Variants in RBM17 observed in about 807,000 individuals in gnomAD.
The protein encoded by RBM17 is splicing factor 45.
RBM17 carries 7 observed loss-of-function variants against 53.2 expected under a neutral mutation model. The observed-to-expected ratio is 0.13, with a 90% CI of 0.07 to 0.25. The LOEUF is 0.25. Ranked by LOEUF, RBM17 falls within the 10% of genes least tolerant of loss-of-function variation. The pLI, the probability that RBM17 is intolerant of heterozygous loss-of-function variation, is 1.00. For missense variants in RBM17, 257 were observed against 496.7 expected (o/e 0.52, Z 4.59); for synonymous variants, 167 against 178.1 (o/e 0.94, Z 0.50).
rs149653637 is a variant in RBM17 at position 6,094,884 on chromosome 10, T to A, written c.-18-2164T>A. Reference sequence around the variant, plus strand: ...ATGGAGTATAAACTGCAGTTTGGCCTCATTTCCTATTTAGCTGTGGGTTGG... The same window carrying A: ...ATGGAGTATAAACTGCAGTTTGGCCACATTTCCTATTTAGCTGTGGGTTGG... On this transcript the variant is annotated intron_variant, in intron 1 of 11. Coordinates refer to ENST00000379888, the MANE Select transcript of RBM17 (RefSeq NM_032905.5). Among the ~76,000 whole-genome samples, 1,059 of 152,336 alleles carry A rather than the reference T, an allele frequency of 7.0e-3. 11 individuals are homozygous for A. The highest frequency in any genetic ancestry group is 0.022 in the African/African-American group (926 of 41,564).
In RBM17 at chr10:6,114,089, T is replaced by C. The variant is rs1441979070; in HGVS notation, c.971T>C (p.Val324Ala). 4.3e-6 allele frequency: 7 copies of C among 1,613,490 alleles called. No homozygotes were observed. In the Middle Eastern group the frequency reaches 4.9e-4, roughly 114 times the overall value. ...GAGEVDEDLEVETKEECEKYG... is the reference protein window; with the variant it reads ...GAGEVDEDLEAETKEECEKYG... ...GGAGAGGTGGATGAAGACTTGGAAG[T>C]TGAAACCAAGGAAGAATGTGAAAAA... The change falls in exon 10 of 12, where the codon GTT (valine) becomes GCT (alanine). Residue 324 changes from valine (V) to alanine (A), a missense_variant. By Grantham distance (64) the Val-to-Ala change is moderately conservative. Coordinates refer to ENST00000379888, the MANE Select transcript of RBM17 (RefSeq NM_032905.5).
intron 6 of RBM17, 23 bp downstream of exon 6, chr10:6,108,765 C>G (rs1367525205): frequency 6.3e-7 from 1 of 1,585,786 alleles, no homozygotes; most frequent in Non-Finnish European, 8.6e-7. Context: ...GTTTCTTCCT[C>G]TTTTATTCTG....
chr10:6,097,741 G>A (rs1238549609), intron 2 of RBM17, among the ~76,000 whole-genome samples: 1 of 152,198 alleles, frequency 6.6e-6, no homozygotes, highest in African/African-American at 2.4e-5. Context: ...TCAAACTTAA[G>A]TAGTGGAGGT....
chr10:6,113,438 C>T, intron 8 of RBM17, 70 bp from the exon 9 acceptor site: 1 of 1,013,556 alleles, frequency 9.9e-7, no homozygotes, highest in Non-Finnish European at 1.6e-6. Flanking sequence ...AAGTAGGACT[C>T]AGTTCTGTAA....
intron 2 of RBM17, 49 bp downstream of exon 2, chr10:6,097,237 C>T (rs1303730106): frequency 3.8e-6 from 6 of 1,587,180 alleles, no homozygotes; most frequent in Non-Finnish European, 5.1e-6. Flanking sequence ...GAGTGGGTTC[C>T]TCATTAGGAT....
chr10:6,115,735 A>G lies in RBM17; in HGVS notation c.*179A>G. On this transcript the variant is annotated 3_prime_UTR_variant, in exon 12 of 12. Coordinates refer to ENST00000379888, the MANE Select transcript of RBM17 (RefSeq NM_032905.5). Reference sequence around the variant, plus strand: ...TTGTGGTTTTTTAATATAGTATAAAAATCCTTTTAAAAAAACAACAATCTG... The same window carrying G: ...TTGTGGTTTTTTAATATAGTATAAAGATCCTTTTAAAAAAACAACAATCTG... The G allele has an allele frequency of 2.2e-6, 1 of 444,948 alleles. No homozygotes were observed. The highest frequency in any genetic ancestry group is 3.3e-5 in the East Asian group (1 of 30,590). 27.6% of individuals were successfully genotyped at this position (444,948 alleles called of 1,614,324 possible). A position where few individuals can be genotyped will look rare whatever the true frequency, so the allele number is the denominator to read the frequency against.
intron 11 of RBM17, 55 bp from the exon 12 acceptor site, chr10:6,115,398 T>G: frequency 4.5e-6 from 7 of 1,542,048 alleles, no homozygotes; most frequent in Non-Finnish European, 5.4e-6. Context: ...TTAATTAAAG[T>G]TAAACCTTTA....
At chr10:6,090,895 C>T (rs1187437574) in intron 1 of RBM17, among the ~76,000 whole-genome samples, 4 of 134,544 alleles carry the variant, frequency 3.0e-5, no homozygotes, top group Admixed American at 2.5e-4. Context: ...CATGGTAGAT[C>T]TTATACTTGA....
At chr10:6,091,088 C>G (rs891986167) in intron 1 of RBM17, among the ~76,000 whole-genome samples, 1 of 149,688 alleles carries the variant, frequency 6.7e-6, no homozygotes, top group Non-Finnish European at 1.5e-5. Flanking sequence ...GAGACAGAGT[C>G]TCACTCTATA....
rs756550580 is a variant in RBM17 at position 6,106,225 on chromosome 10, G to C, written c.492G>C (p.Glu164Asp). The change falls in exon 5 of 12, where the codon GAG becomes GAC. Residue 164 changes from glutamate to aspartate, a missense_variant. Glu to Asp is a conservative substitution (Grantham distance 45). Around this residue, in one of 6 missense-constraint regions of RBM17, gnomAD observed 127 missense variants for 217.2 expected, o/e 0.58. Transcript: ENST00000379888. ...ATGAAGATGAAGATTATGAGCGAGA[G>C]AGGAGGAAAAGAAGTAAGGCATGAA... The part of the protein sequence containing the change: ...DSDEDEDYER[E>D]RRKRSMGGAA... 1.2e-6 allele frequency: 2 copies of C among 1,611,772 alleles called. No homozygotes were observed. Among genetic ancestry groups the C allele is most frequent in the East Asian group, 2.2e-5 (1 of 44,822 alleles).
In RBM17 at chr10:6,106,190, C is replaced by A; in HGVS notation, c.457C>A (p.Pro153Thr). The change falls in exon 5 of 12, where the codon CCA becomes ACA. Residue 153 changes from proline (P) to threonine (T), a missense_variant. Coordinates refer to ENST00000379888, the MANE Select transcript of RBM17 (RefSeq NM_032905.5). ...EASGFARRPD[P>T]DSDEDEDYER... is the part of the protein sequence containing the mutation. ...AAGTGGGTTTGCAAGGAGACCAGAT[C>A]CAGATTCTGATGAAGATGAAGATTA... 2.5e-6 allele frequency: 4 copies of A among 1,613,560 alleles called. No homozygotes were observed. Among genetic ancestry groups the A allele is most frequent in the Non-Finnish European group, 3.4e-6 (4 of 1,179,650 alleles).
At chr10:6,097,342 C>T (rs1435569110) in intron 2 of RBM17, among the ~76,000 whole-genome samples, 154 bp downstream of exon 2, 1 of 152,126 alleles carries the variant, frequency 6.6e-6, no homozygotes, top group Admixed American at 6.5e-5. Context: ...AGTTTAAGGC[C>T]ACTTTGCTAC....
intron 3 of RBM17, among the ~76,000 whole-genome samples, chr10:6,104,238 A>G (rs1305682558): frequency 6.6e-6 from 1 of 152,162 alleles, no homozygotes; most frequent in Non-Finnish European, 1.5e-5. Flanking sequence ...TTTCTTTGTC[A>G]TGGCTACCTC....
At chr10:6,108,479 T>C in intron 5 of RBM17, 1 of 488,700 alleles carries the variant, frequency 2.0e-6, no homozygotes, top group Non-Finnish European at 3.7e-6. Context: ...CAATTTTGCA[T>C]ATCTGAGGGA....
intron 9 of RBM17, 78 bp from the exon 10 acceptor site, chr10:6,113,971 A>G: frequency 1.1e-6 from 1 of 899,822 alleles, no homozygotes. Context: ...TACCATCACT[A>G]AGTCATATTT....
chr10:6,107,898 T>C (rs370896843), intron 5 of RBM17, among the ~76,000 whole-genome samples: 2 of 152,336 alleles, frequency 1.3e-5, no homozygotes, highest in South Asian at 4.1e-4. Flanking sequence ...TACATATGTA[T>C]TATGTAATAT....
chr10:6,109,148 G>A (rs1041972577), intron 6 of RBM17, among the ~76,000 whole-genome samples: 9 of 151,754 alleles, frequency 5.9e-5, no homozygotes, highest in South Asian at 2.1e-4. Context: ...TTTTCTTCCC[G>A]TTCCATTTCA....
At chr10:6,104,881 A>T (rs1387740612) in intron 3 of RBM17, 50 bp from the exon 4 acceptor site, 3 of 1,522,558 alleles carry the variant, frequency 2.0e-6, no homozygotes, top group African/African-American at 1.4e-5. Context: ...CCTGTGAGTA[A>T]ACTGGTAAGA....
chr10:6,091,039 T>TTTATATATA (rs1311261273), intron 1 of RBM17, among the ~76,000 whole-genome samples: 6 of 77,698 alleles, frequency 7.7e-5, no homozygotes, highest in African/African-American at 2.4e-4. Flanking sequence ...ATTTATATAT[T>TTTATATATA]TTTATATATA....
Sources: allele counts gnomAD v4.1 joint callset (sites outside exome capture counted in the v4.1 genomes callset), GRCh38; gene constraint gnomAD v4.1.1; regional missense constraint gnomAD v4.1.1; transcripts MANE v1.5; gene names NCBI Gene and HGNC (gene_info 2026-07-23, HGNC 2026-07-21).